The following ABR variants were observed in gnomAD, a reference collection of about 807,000 sequenced individuals.
The protein encoded by ABR is ABR activator of RhoGEF and GTPase, also known as active breakpoint cluster region-related protein.
ABR carries 35 observed loss-of-function variants against 107.2 expected under a neutral mutation model. The ratio of observed to expected loss-of-function variants is 0.33; its 90% CI spans 0.25 to 0.43. ABR has a LOEUF of 0.43. Ranked by LOEUF, ABR falls within the 20% of genes least tolerant of loss-of-function variation. The pLI is 1.00. For missense variants in ABR, 815 were observed against 1,115.2 expected, an observed-to-expected ratio of 0.73 and a Z score of 3.83; for synonymous variants, 498 against 462.0, an observed-to-expected ratio of 1.08 and a Z score of -1.00.
rs1242144006 is a variant in ABR at position 1,154,101 on chromosome 17, G to T, written c.61+25566C>A. On this transcript the variant is annotated intron_variant, in intron 1 of 22. Transcript: ENST00000302538. The surrounding 1 kb of genome is among the most constrained non-coding windows in gnomAD (Gnocchi z 4.0). ...CCCACAGAAATCTCAGCTTCCCCCA[G>T]TTCTGCTCCGAGGACTGGGTCTAAG... is the stretch of plus-strand genomic sequence containing the variant. 6 of 153,534 alleles carry T rather than the reference G, an allele frequency of 3.9e-5. No homozygotes were observed. In the South Asian group the frequency reaches 1.2e-3, roughly 31 times the overall value. The allele number at this position is 153,534 out of a possible 1,614,324, so 9.5% of individuals were successfully genotyped here.
At chr17:1,028,888 T>C (rs1210380348) in intron 16 of ABR, among the ~76,000 whole-genome samples, 1 of 151,708 alleles carries the variant, frequency 6.6e-6, no homozygotes, top group East Asian at 1.9e-4. Context: ...CCGGCCTCCC[T>C]TCAGGCCCTC....
chr17:1,031,969 T>G (rs7226146), intron 16 of ABR: 31,436 of 783,662 alleles, frequency 0.04, 2,024 homozygotes, highest in South Asian at 0.23. Flanking sequence ...CAGCCCAGGC[T>G]GAGCGCCGCC....
intron 16 of ABR, among the ~76,000 whole-genome samples, chr17:1,043,148 T>C (rs1307122073): frequency 6.6e-6 from 1 of 152,208 alleles, no homozygotes; most frequent in Non-Finnish European, 1.5e-5. Flanking sequence ...AATCCACCTA[T>C]GGCCACGGAG....
At position 1,071,506 on chromosome 17, in the gene ABR, C is replaced by A. The variant is rs955709228; in HGVS notation, c.894+1108G>T. The stretch of plus-strand genomic sequence containing the variant: ...TCCCTCTCATGCTTCCTGGTACTCC[C>A]CTTGCTGGGCTGTCCCCACCCTTGC... On this transcript the variant is annotated intron_variant, in intron 8 of 22. Transcript: ENST00000302538. The surrounding 1 kb of genome is among the most constrained non-coding windows in gnomAD (Gnocchi z 5.1). 6.6e-6 allele frequency among the ~76,000 whole-genome samples: 1 copy of A among 152,258 alleles called. No individual in the cohort carries two copies. Among genetic ancestry groups the A allele is most frequent in the East Asian group, 1.9e-4 (1 of 5,204 alleles).
intron 8 of ABR, 24 bp downstream of exon 8, chr17:1,072,590 G>A (rs77792616): frequency 0.054 from 70,947 of 1,305,748 alleles, 5,414 homozygotes; most frequent in Middle Eastern, 0.08. Context: ...CTGGGTGAGG[G>A]GCCGTGCCGG....
intron 16 of ABR, among the ~76,000 whole-genome samples, chr17:1,040,129 T>C (rs2030097879): frequency 6.6e-6 from 1 of 152,064 alleles, no homozygotes; most frequent in Non-Finnish European, 1.5e-5. Context: ...GGGGTCCCAG[T>C]ACCACTATGA....
chr17:1,076,491 C>T (rs1384703585), intron 6 of ABR, among the ~76,000 whole-genome samples: 1 of 152,050 alleles, frequency 6.6e-6, no homozygotes, highest in African/African-American at 2.4e-5. Context: ...CCAGGGTGGG[C>T]TCCGGAGTGG....
chr17:1,189,533 G>A (rs367545913), upstream of ABR, among the ~76,000 whole-genome samples: 5 of 151,930 alleles, frequency 3.3e-5, no homozygotes, highest in African/African-American at 1.2e-4. Context: ...GGAACCTGTG[G>A]CCGGGCCTCT....
chr17:1,060,334 C>T (rs772719798), intron 10 of ABR, among the ~76,000 whole-genome samples: 5 of 152,146 alleles, frequency 3.3e-5, no homozygotes, highest in South Asian at 2.1e-4. Context: ...CGCTTGAACC[C>T]GGGAGGTGGA....
At chr17:1,204,576 G>T (rs372035046) in intron 1 of ABR, among the ~76,000 whole-genome samples, 8 of 152,302 alleles carry the variant, frequency 5.3e-5, no homozygotes, top group Admixed American at 3.9e-4. Context: ...TGTACCTTTT[G>T]TACGCTTAGA....
At chr17:1,184,104 C>A (rs755707752), upstream of ABR, among the ~76,000 whole-genome samples, 2 of 151,652 alleles carry the variant, frequency 1.3e-5, no homozygotes, top group Non-Finnish European at 2.9e-5. Flanking sequence ...CAGCAGTGAG[C>A]CGAGATCCTG....
chr17:1,185,681 G>C (rs917995544), intron 1 of ABR, among the ~76,000 whole-genome samples: 1 of 114,890 alleles, frequency 8.7e-6, no homozygotes, highest in Non-Finnish European at 1.8e-5. Context: ...AAAAAAAAAA[G>C]AAGGTATGTG....
At position 1,004,863 on chromosome 17, in the gene ABR, A is replaced by G. The variant is rs2069906126; in HGVS notation, c.*1217T>C. On this transcript the variant is annotated 3_prime_UTR_variant, in exon 23 of 23. Transcript: ENST00000302538. ...CCGTGGGCCTGTGCCTTTGCTTCCC[A>G]GGTCCTGGAGGACCGTGGCAGTGCT... The G allele has an allele frequency of 5.1e-6, 2 of 395,814 alleles. No individual in the cohort carries two copies. Among genetic ancestry groups the G allele is most frequent in the Non-Finnish European group, 8.9e-6 (2 of 224,676 alleles). 24.5% of individuals were successfully genotyped at this position (395,814 alleles called of 1,614,324 possible). A position where few individuals can be genotyped will look rare whatever the true frequency, so the allele number is the denominator to read the frequency against.
rs1482136324 is a variant in ABR, at chr17:1,210,924, A to G, written c.838+17869T>C. Among the ~76,000 whole-genome samples, 1 of 152,178 alleles carries G rather than the reference A, an allele frequency of 6.6e-6. No individual in the cohort carries two copies. The highest frequency in any genetic ancestry group is 1.5e-5 in the Non-Finnish European group (1 of 68,042). ...TACCACCTCATATCAAGCACTTGGC[A>G]AAGCCTGCCAAACTCTGGGGTGCTG... On this transcript the variant is annotated intron_variant, in intron 1 of 22. Transcript: ENST00000574139. This position sits in a 1 kb window ranked among gnomAD's most constrained non-coding sequence, Gnocchi z 5.6.
intron 1 of ABR, among the ~76,000 whole-genome samples, chr17:1,215,381 GGC>G (rs1298914660): frequency 6.6e-6 from 1 of 152,202 alleles, no homozygotes; most frequent in Non-Finnish European, 1.5e-5. Context: ...TGCGATTGCA[GGC>G]GCGCGCTGCC....
At chr17:1,031,671 GACTCCTCCAGCGCCA>G in intron 16 of ABR, 1 of 1,256,802 alleles carries the variant, frequency 8.0e-7, no homozygotes, top group Non-Finnish European at 1.0e-6. Flanking sequence ...CTTGCTCCCC[GACTCCTCCAGCGCCA>G]GGGGTTCGCG....
chr17:1,225,898 T>C (rs1214519417), intron 1 of ABR, among the ~76,000 whole-genome samples: 1 of 152,208 alleles, frequency 6.6e-6, no homozygotes, highest in East Asian at 1.9e-4. Context: ...CAGTCTAGCT[T>C]CAGAAACATG....
At chr17:1,139,078 G>A (rs2040190248) in intron 1 of ABR, among the ~76,000 whole-genome samples, 1 of 152,038 alleles carries the variant, frequency 6.6e-6, no homozygotes, top group African/African-American at 2.4e-5. Context: ...TGCTTAGGAA[G>A]CCAGGGAAAG....
Position 1,154,733 on chromosome 17 carries a change from C to T in ABR, c.61+24934G>A, listed in dbSNP as rs1225297863. 1 of 152,036 alleles carries T rather than the reference C, an allele frequency of 6.6e-6. No individual in the cohort carries two copies. The highest frequency in any genetic ancestry group is 2.4e-5 in the African/African-American group (1 of 41,392). 9.4% of individuals were successfully genotyped at this position (152,036 alleles called of 1,614,324 possible). A position where few individuals can be genotyped will look rare whatever the true frequency, so the allele number is the denominator to read the frequency against. On this transcript the variant is annotated intron_variant, in intron 1 of 22. Transcript: ENST00000302538. The surrounding 1 kb of genome is among the most constrained non-coding windows in gnomAD (Gnocchi z 4.0). ...TTGGCAATGCCGTGTCCTCAGGGCT[C>T]CGGCGCCTACCCATGGATGTAGTGC...
Sources: allele counts gnomAD v4.1 joint callset (sites outside exome capture counted in the v4.1 genomes callset), GRCh38; gene constraint gnomAD v4.1.1; non-coding constraint Gnocchi (gnomAD v3.1); transcripts MANE v1.5; gene names NCBI Gene and HGNC (gene_info 2026-07-23, HGNC 2026-07-21).